The following POFUT3 variants were observed in gnomAD, a reference collection of about 807,000 sequenced individuals.
POFUT3 encodes protein O-fucosyltransferase 3, also known as GDP-fucose protein O-fucosyltransferase 3.
chr8:33,336,037 T>A, the POFUT3 span, among the ~76,000 whole-genome samples: 1 of 152,102 alleles, frequency 6.6e-6, no homozygotes, highest in Non-Finnish European at 1.5e-5. Context: ...TGTTCAAAGG[T>A]CAACTGTCGT....
chr8:33,324,461 A>C, the POFUT3 span, among the ~76,000 whole-genome samples: 1 of 152,052 alleles, frequency 6.6e-6, no homozygotes, highest in Non-Finnish European at 1.5e-5. Flanking sequence ...GCCAAAACTC[A>C]CTTCCTAATT....
the POFUT3 span, among the ~76,000 whole-genome samples, chr8:33,424,419 A>G: frequency 6.6e-6 from 1 of 152,130 alleles, no homozygotes; most frequent in African/African-American, 2.4e-5. Flanking sequence ...TAGGAGCACT[A>G]CACACCTGCC....
At chr8:33,426,430 T>C in the POFUT3 span, among the ~76,000 whole-genome samples, 5 of 152,120 alleles carry the variant, frequency 3.3e-5, no homozygotes, top group Non-Finnish European at 7.3e-5. Context: ...ACTTTAGGAA[T>C]GAAAGCACAG....
chr8:33,453,093 G>C, the POFUT3 span: 1 of 932,482 alleles, frequency 1.1e-6, no homozygotes, highest in Non-Finnish European at 1.6e-6. Flanking sequence ...AAATGCAAAG[G>C]AAATCAGGGG....
At chr8:33,427,110 C>T in the POFUT3 span, among the ~76,000 whole-genome samples, 3 of 152,160 alleles carry the variant, frequency 2.0e-5, no homozygotes, top group Non-Finnish European at 4.4e-5. Context: ...GGCTTTGGCC[C>T]AGGTGCTCAC....
chr8:33,461,617 G>A, the POFUT3 span: 2 of 1,531,132 alleles, frequency 1.3e-6, no homozygotes, highest in Non-Finnish European at 1.7e-6. Context: ...TGAGATCCGA[G>A]GTTGTGAGAG....
At chr8:33,338,200 G>A in the POFUT3 span, among the ~76,000 whole-genome samples, 11 of 152,132 alleles carry the variant, frequency 7.2e-5, no homozygotes, top group East Asian at 1.9e-4. Flanking sequence ...TATGTGAATC[G>A]CAGTGGTGGG....
At chr8:33,435,011 C>T in the POFUT3 span, among the ~76,000 whole-genome samples, 1 of 152,154 alleles carries the variant, frequency 6.6e-6, no homozygotes, top group Non-Finnish European at 1.5e-5. Context: ...AGTGCTGGGG[C>T]AAACTTTGAT....
At chr8:33,315,725 T>G in the POFUT3 span, among the ~76,000 whole-genome samples, 3 of 152,160 alleles carry the variant, frequency 2.0e-5, no homozygotes, top group Non-Finnish European at 4.4e-5. Context: ...GCTCTGAGAT[T>G]CTATGAGACT....
the POFUT3 span, chr8:33,372,636 C>A: frequency 6.2e-7 from 1 of 1,614,042 alleles, no homozygotes; most frequent in African/African-American, 1.3e-5. Flanking sequence ...TTCCTATCAA[C>A]CAGCCACCTT....
chr8:33,432,466 C>G, the POFUT3 span, among the ~76,000 whole-genome samples: 2 of 151,834 alleles, frequency 1.3e-5, no homozygotes, highest in Non-Finnish European at 2.9e-5. Flanking sequence ...AGTTCCCAGG[C>G]CTCATTCCTA....
chr8:33,325,558 A>G, the POFUT3 span, among the ~76,000 whole-genome samples: 2 of 152,156 alleles, frequency 1.3e-5, no homozygotes, highest in Non-Finnish European at 2.9e-5. Context: ...TACCTCAGTA[A>G]AACTTCAACT....
At chr8:33,417,276 G>A in the POFUT3 span, among the ~76,000 whole-genome samples, 127 of 152,142 alleles carry the variant, frequency 8.3e-4, 1 homozygote, top group African/African-American at 2.3e-3. Context: ...ACAAACTCAG[G>A]GTTCCACTGA....
chr8:33,330,673 C>T, the POFUT3 span, among the ~76,000 whole-genome samples: 1 of 152,144 alleles, frequency 6.6e-6, no homozygotes, highest in Non-Finnish European at 1.5e-5. Context: ...TATTGGGAAC[C>T]ACTTTGCACA....
the POFUT3 span, among the ~76,000 whole-genome samples, chr8:33,418,119 TC>T: frequency 1.1e-4 from 16 of 152,142 alleles, 1 homozygote; most frequent in African/African-American, 3.9e-4. Context: ...GCAGACTGCA[TC>T]CTACACTGGA....
chr8:33,472,753 G>C, the POFUT3 span, among the ~76,000 whole-genome samples: 21 of 152,172 alleles, frequency 1.4e-4, no homozygotes, highest in Admixed American at 3.3e-4. Flanking sequence ...CTCCTTCTCC[G>C]GGCTCCAGCA....
At chr8:33,389,340 C>T in the POFUT3 span, 1 of 1,614,016 alleles carries the variant, frequency 6.2e-7, no homozygotes, top group Admixed American at 1.7e-5. Flanking sequence ...TTCTCAAAAG[C>T]TAGGATAAAC....
At chr8:33,420,158 T>C in the POFUT3 span, among the ~76,000 whole-genome samples, 1 of 152,204 alleles carries the variant, frequency 6.6e-6, no homozygotes. Flanking sequence ...AAAATGTATG[T>C]ACTTATTTAT....
At chr8:33,338,368 G>A in the POFUT3 span, among the ~76,000 whole-genome samples, 1 of 152,018 alleles carries the variant, frequency 6.6e-6, no homozygotes, top group Non-Finnish European at 1.5e-5. Flanking sequence ...AAATGTAAAA[G>A]AGGGAGAAGC....
Sources: allele counts gnomAD v4.1 joint callset (sites outside exome capture counted in the v4.1 genomes callset), GRCh38; gene constraint gnomAD v4.1.1; transcripts MANE v1.5; gene names NCBI Gene and HGNC (gene_info 2026-07-23, HGNC 2026-07-21).